ACTR3C: variants seen among roughly 807,000 people sequenced by gnomAD.
The protein encoded by ACTR3C is actin-related protein 3C.
Under a neutral mutation model 26.3 loss-of-function variants are expected in ACTR3C, and 18 were observed. That is an observed-to-expected ratio of 0.68 (90% confidence interval 0.47 to 1.01). The LOEUF is 1.01. Among genes scored for constraint, ACTR3C ranks in the 50% least tolerant of loss-of-function variants. The pLI is 0.00. For synonymous variants in ACTR3C, 55 were observed against 94.5 expected (o/e 0.58, Z 2.42); for missense variants, 184 against 250.7 (o/e 0.73, Z 1.80).
chr7:150,322,850 G>C (rs1302295745), intron 1 of ACTR3C: 1 of 152,300 alleles, frequency 6.6e-6, no homozygotes, highest in African/African-American at 2.4e-5. Context: ...ACCCTGGGTG[G>C]ATTTCCTGAA....
At chr7:149,906,308 T>C in the ACTR3C span, among the ~76,000 whole-genome samples, 34 of 151,198 alleles carry the variant, frequency 2.2e-4, no homozygotes, top group Non-Finnish European at 2.5e-4. Context: ...CAACCTATAA[T>C]GTGCCATTTA....
At chr7:149,981,540 A>G in the ACTR3C span, among the ~76,000 whole-genome samples, 1 of 149,912 alleles carries the variant, frequency 6.7e-6, no homozygotes. Context: ...GTAGGACCCT[A>G]TAATTAGGAC....
chr7:149,900,645 C>T, the ACTR3C span, among the ~76,000 whole-genome samples: 7 of 152,182 alleles, frequency 4.6e-5, no homozygotes, highest in Middle Eastern at 3.4e-3. Flanking sequence ...TTTCCTCTTG[C>T]GTTTTCTAAA....
chr7:150,275,986 A>C (rs1455284030), intron 6 of ACTR3C, among the ~76,000 whole-genome samples: 1 of 152,106 alleles, frequency 6.6e-6, no homozygotes, highest in Non-Finnish European at 1.5e-5. Context: ...AATAGCCCGC[A>C]ACCTTACCTT....
At chr7:149,972,986 C>T in the ACTR3C span, among the ~76,000 whole-genome samples, 2 of 152,158 alleles carry the variant, frequency 1.3e-5, no homozygotes, top group Admixed American at 1.3e-4. Context: ...CCCAGGTAAG[C>T]CCCGTGCATG....
intron 3 of ACTR3C, among the ~76,000 whole-genome samples, chr7:150,290,817 T>A (rs1836188248): frequency 1.3e-5 from 2 of 152,350 alleles, no homozygotes; most frequent in Non-Finnish European, 2.9e-5. Context: ...TTCTAACACA[T>A]AAACTATTCA....
chr7:150,132,824 A>G, the ACTR3C span, among the ~76,000 whole-genome samples: 2 of 152,206 alleles, frequency 1.3e-5, no homozygotes, highest in Non-Finnish European at 1.5e-5. Context: ...CACTACTCAC[A>G]ATAGCAAAAA....
chr7:150,308,506 C>T (rs1274286123), intron 1 of ACTR3C, among the ~76,000 whole-genome samples: 2 of 152,010 alleles, frequency 1.3e-5, no homozygotes, highest in African/African-American at 4.8e-5. Context: ...TTTTATACTT[C>T]GTTCCCTCCC....
the ACTR3C span, among the ~76,000 whole-genome samples, chr7:149,923,279 G>A: frequency 6.6e-6 from 1 of 151,750 alleles, no homozygotes; most frequent in Non-Finnish European, 1.5e-5. Flanking sequence ...ATATAAATAT[G>A]CTTAAATCAC....
At chr7:149,978,819 G>A in the ACTR3C span, among the ~76,000 whole-genome samples, 60 of 152,150 alleles carry the variant, frequency 3.9e-4, 1 homozygote, top group African/African-American at 1.4e-3. Flanking sequence ...TAGTCTCATT[G>A]TCTTTGGCAA....
At chr7:149,938,943 A>G in the ACTR3C span, among the ~76,000 whole-genome samples, 1 of 46,734 alleles carries the variant, frequency 2.1e-5, no homozygotes, top group East Asian at 2.6e-4. Context: ...ATATAAATAT[A>G]TGTATATATA....
the ACTR3C span, among the ~76,000 whole-genome samples, chr7:150,026,293 A>T: frequency 6.6e-6 from 1 of 152,040 alleles, no homozygotes; most frequent in Non-Finnish European, 1.5e-5. Flanking sequence ...TTTATCAGCA[A>T]AAAACAAATA....
At chr7:149,919,560 AT>A in the ACTR3C span, among the ~76,000 whole-genome samples, 1 of 151,658 alleles carries the variant, frequency 6.6e-6, no homozygotes, top group African/African-American at 2.4e-5. Context: ...TCTTTTTTGA[AT>A]TTTTTTCCAA....
At chr7:149,914,584 A>C in the ACTR3C span, among the ~76,000 whole-genome samples, 1 of 149,336 alleles carries the variant, frequency 6.7e-6, no homozygotes, top group Non-Finnish European at 1.5e-5. Flanking sequence ...TAAATAAATA[A>C]ATAAACAAAC....
the ACTR3C span, among the ~76,000 whole-genome samples, chr7:150,159,839 C>A: frequency 6.6e-6 from 1 of 152,076 alleles, no homozygotes. Flanking sequence ...CGCTCTGTGG[C>A]CCAGGCTCAC....
At chr7:149,954,566 A>G in the ACTR3C span, among the ~76,000 whole-genome samples, 1 of 152,198 alleles carries the variant, frequency 6.6e-6, no homozygotes, top group South Asian at 2.1e-4. Flanking sequence ...AACCAAATAC[A>G]TTATCCAATG....
At chr7:149,890,144 A>T in the ACTR3C span, among the ~76,000 whole-genome samples, 2 of 152,246 alleles carry the variant, frequency 1.3e-5, no homozygotes, top group Admixed American at 1.3e-4. Context: ...TAACATCAGA[A>T]AGAATTTTAT....
the ACTR3C span, among the ~76,000 whole-genome samples, chr7:150,115,834 A>T: frequency 1.3e-5 from 2 of 152,176 alleles, no homozygotes; most frequent in East Asian, 3.9e-4. Context: ...ATGAAGGACC[A>T]TTCTAGCTTG....
downstream of ACTR3C, among the ~76,000 whole-genome samples, chr7:150,243,556 G>C (rs1832301530): frequency 6.6e-6 from 1 of 151,794 alleles, no homozygotes. Context: ...TTGTCCCTTG[G>C]TATCCATGGG....
Sources: allele counts gnomAD v4.1 joint callset (sites outside exome capture counted in the v4.1 genomes callset), GRCh38; gene constraint gnomAD v4.1.1; transcripts MANE v1.5; gene names NCBI Gene and HGNC (gene_info 2026-07-23, HGNC 2026-07-21).